The following ALS2 variants were observed in gnomAD, a reference collection of about 807,000 sequenced individuals.
ALS2 encodes alsin.
A neutral mutation model predicts 203.4 loss-of-function variants in ALS2; 117 were observed. The ratio of observed to expected loss-of-function variants is 0.58; its 90% CI spans 0.50 to 0.67. ALS2 has a LOEUF of 0.67. Among genes scored for constraint, ALS2 ranks in the 30% least tolerant of loss-of-function variants. ALS2 has a pLI of 0.00. For missense variants in ALS2, 1,715 were observed against 1,989.4 expected, an observed-to-expected ratio of 0.86 and a Z score of 2.62; for synonymous variants, 718 against 725.9, an observed-to-expected ratio of 0.99 and a Z score of 0.17.
chr2:201,714,419 G>T lies in ALS2; in HGVS notation c.4004+1253C>A, dbSNP rs116819213. 2.4e-3 allele frequency among the ~76,000 whole-genome samples: 362 copies of T among 152,310 alleles called. 1 individual carries two copies. Among genetic ancestry groups the T allele is most frequent in the African/African-American group, 8.1e-3 (338 of 41,568 alleles). On this transcript the variant is annotated intron_variant, in intron 25 of 33. Coordinates refer to ENST00000264276, the MANE Select transcript of ALS2 (RefSeq NM_020919.4). Reference sequence around the variant, plus strand: ...ACGTGTCGCTGCATTTTGCTGCAGGGAAAACTGTGTTGTGTGTGACTCATC... The same window carrying T: ...ACGTGTCGCTGCATTTTGCTGCAGGTAAAACTGTGTTGTGTGTGACTCATC...
At chr2:201,738,389 G>A (rs1692022064) in intron 12 of ALS2, 1 of 452,572 alleles carries the variant, frequency 2.2e-6, no homozygotes, top group African/African-American at 2.0e-5. Flanking sequence ...AGAACACTAG[G>A]CCTACTGAGG....
At chr2:201,728,770 T>C in intron 14 of ALS2, 130 bp from the exon 15 acceptor site, 1 of 1,154,068 alleles carries the variant, frequency 8.7e-7, no homozygotes, top group Non-Finnish European at 1.2e-6. Context: ...GTGTAAAATC[T>C]AAATTTATAT....
chr2:201,731,986 A>G (rs545061675), intron 13 of ALS2, among the ~76,000 whole-genome samples: 1 of 152,252 alleles, frequency 6.6e-6, no homozygotes, highest in Admixed American at 6.5e-5. Flanking sequence ...GGGAAACTGA[A>G]CTCTGACTCT....
At chr2:201,748,996 A>G (rs1404391998) in intron 8 of ALS2, among the ~76,000 whole-genome samples, 1 of 152,218 alleles carries the variant, frequency 6.6e-6, no homozygotes, top group Non-Finnish European at 1.5e-5. Context: ...CTACATATCT[A>G]TGACCTCCAT....
At chr2:201,766,892 C>T (rs2110645) in intron 3 of ALS2, among the ~76,000 whole-genome samples, 144,519 of 146,154 alleles carry the variant, frequency 0.99, 71,478 homozygotes, top group Middle Eastern at 1. Context: ...AATTGAAAAA[C>T]GAGAACACAT....
Position 201,749,761 on chromosome 2 carries a change from C to G in ALS2, c.1766G>C (p.Gly589Ala). ...QVYSWGSNTF[G>A]QLGHSDFPTT... ...TGGAAAATCGGAATGCCCAAGTTGACCAAAGGTATTGCTACCCCATGAGTA... is the reference window on the plus strand; with the variant it reads ...TGGAAAATCGGAATGCCCAAGTTGAGCAAAGGTATTGCTACCCCATGAGTA... The change falls in exon 8 of 34, where the codon GGT becomes GCT. Residue 589 changes from glycine (G) to alanine (A), a missense_variant. Gly to Ala is a moderately conservative substitution (Grantham distance 60). This residue lies in a region of ALS2 where 1,227 missense variants were observed against 1,413.5 expected (regional missense o/e 0.87). Coordinates refer to ENST00000264276, the MANE Select transcript of ALS2 (RefSeq NM_020919.4). 1 of 1,614,030 alleles carries G rather than the reference C, an allele frequency of 6.2e-7. No homozygotes were observed. The highest frequency in any genetic ancestry group is 8.5e-7 in the Non-Finnish European group (1 of 1,179,984).
At chr2:201,710,857 T>C (rs1359678029) in intron 26 of ALS2, 134 bp downstream of exon 26, 2 of 666,144 alleles carry the variant, frequency 3.0e-6, no homozygotes, top group African/African-American at 1.8e-5. Context: ...GGTAGTTTGA[T>C]AATTAACAAA....
At chr2:201,760,029 A>T in intron 4 of ALS2, 2 of 980,196 alleles carry the variant, frequency 2.0e-6, no homozygotes, top group Non-Finnish European at 2.4e-6. Flanking sequence ...TTTTAATAAG[A>T]TATATAAAAT....
chr2:201,717,970 A>C, intron 24 of ALS2, 107 bp downstream of exon 24: 1 of 1,119,830 alleles, frequency 8.9e-7, no homozygotes, highest in East Asian at 2.6e-5. Flanking sequence ...ATAAAAAAGA[A>C]GACTTTAAGA....
intron 13 of ALS2, among the ~76,000 whole-genome samples, chr2:201,732,703 C>T (rs1691650850): frequency 6.6e-6 from 1 of 152,182 alleles, no homozygotes; most frequent in East Asian, 1.9e-4. Flanking sequence ...GTGAATGTCT[C>T]AGGACCAGTT....
chr2:201,751,478 T>C (rs902953365), intron 7 of ALS2, among the ~76,000 whole-genome samples: 3 of 152,218 alleles, frequency 2.0e-5, no homozygotes, highest in Admixed American at 6.5e-5. Flanking sequence ...TTGCTGGCCA[T>C]TTCTACTTCT....
At chr2:201,722,208 A>G (rs1438799683) in intron 23 of ALS2, 1 of 152,268 alleles carries the variant, frequency 6.6e-6, no homozygotes, top group African/African-American at 2.4e-5. Flanking sequence ...CATTTCATCA[A>G]AGAAGATATA....
chr2:201,760,414 T>C (rs1460831654), intron 4 of ALS2: 3 of 988,166 alleles, frequency 3.0e-6, no homozygotes, highest in Non-Finnish European at 3.6e-6. Flanking sequence ...TAATTGCCTG[T>C]AAGTTTTAAA....
intron 8 of ALS2, among the ~76,000 whole-genome samples, chr2:201,748,994 C>T (rs1341157731): frequency 6.6e-6 from 1 of 152,168 alleles, no homozygotes; most frequent in African/African-American, 2.4e-5. Flanking sequence ...AACTACATAT[C>T]TATGACCTCC....
intron 31 of ALS2, 124 bp downstream of exon 31, chr2:201,705,015 G>T (rs1689616024): frequency 2.1e-6 from 2 of 945,402 alleles, no homozygotes; most frequent in African/African-American, 1.6e-5. Flanking sequence ...GATTGAGTTT[G>T]ACACCATCAG....
rs113604844 is a variant in ALS2, at chr2:201,713,626, G to A, written c.4004+2046C>T. 1.5e-3 allele frequency among the ~76,000 whole-genome samples: 231 copies of A among 152,208 alleles called. 1 individual carries two copies. The highest frequency in any genetic ancestry group is 5.1e-3 in the African/African-American group (211 of 41,530). ...TGAGTTCATACAATAAGTGATTTCG[G>A]TTAGTGCAGTTTTCAACCCCAAAAT... On this transcript the variant is annotated intron_variant, in intron 25 of 33. Transcript: ENST00000264276.
rs755465636 is a variant in ALS2 at position 201,718,089 on chromosome 2, C to T, written c.3824G>A (p.Arg1275Lys). 1 of 1,613,676 alleles carries T rather than the reference C, an allele frequency of 6.2e-7. No individual in the cohort carries two copies. The highest frequency in any genetic ancestry group is 1.1e-5 in the South Asian group (1 of 91,060). The change falls in exon 24 of 34, where the codon AGA becomes AAA. Residue 1275 changes from arginine to lysine, a missense_variant. Physicochemically the swap from Arg to Lys is conservative, Grantham distance 26 (BLOSUM62 2). Around this residue, in one of 3 missense-constraint regions of ALS2, gnomAD observed 1,227 missense variants for 1,413.5 expected, o/e 0.87. Coordinates refer to ENST00000264276, the MANE Select transcript of ALS2 (RefSeq NM_020919.4). ...ACTAGTTACTCACAAAACTTTAGGTCTGTCTTTATCACTCTCATATAGACT... is the reference window on the plus strand; with the variant it reads ...ACTAGTTACTCACAAAACTTTAGGTTTGTCTTTATCACTCTCATATAGACT... Reference protein sequence around the residue: ...KPSLYESDKDRPKVFRKLGNL... With the variant: ...KPSLYESDKDKPKVFRKLGNL...
chr2:201,759,956 T>C (rs1269811535), intron 4 of ALS2: 8 of 983,640 alleles, frequency 8.1e-6, no homozygotes, highest in Non-Finnish European at 9.7e-6. Context: ...ACTCAAACTT[T>C]ACCATGTGCT....
In ALS2 at chr2:201,701,098, G is replaced by A. The variant is rs943156870; in HGVS notation, c.*753C>T. The A allele has an allele frequency of 6.6e-6, 1 of 152,636 alleles. No homozygotes were observed. Among genetic ancestry groups the A allele is most frequent in the African/African-American group, 2.4e-5 (1 of 41,446 alleles). The allele number at this position is 152,636 out of a possible 1,614,324, so 9.5% of individuals were successfully genotyped here. Reference sequence around the variant, plus strand: ...TGCACATGGACAAATGAGGTTCCTAGCAGCTCAGAGTCGGTGTCTGAATTC... The same window carrying A: ...TGCACATGGACAAATGAGGTTCCTAACAGCTCAGAGTCGGTGTCTGAATTC... On this transcript the variant is annotated 3_prime_UTR_variant, in exon 34 of 34. Transcript: ENST00000264276.
Sources: gnomAD v4.1 joint callset for allele counts (sites outside exome capture counted in the v4.1 genomes callset) on GRCh38, gnomAD v4.1.1 for gene constraint, gnomAD v4.1.1 regional missense constraint, MANE v1.5 for transcripts, NCBI Gene and HGNC (gene_info 2026-07-23, HGNC 2026-07-21) for gene names.